Variants in CAPN8 observed in about 807,000 individuals in gnomAD.
CAPN8 encodes the protein calpain 8.
Under a neutral mutation model 80.9 loss-of-function variants are expected in CAPN8, and 87 were observed. The observed-to-expected ratio is 1.07, with a 90% CI of 0.90 to 1.28. The LOEUF (loss-of-function observed/expected upper bound fraction) is 1.28. Ranked by LOEUF, CAPN8 falls within the 50% of genes most tolerant of loss-of-function variation. The probability of loss-of-function intolerance (pLI) is 0.00; values close to 1 mark genes in which losing one functional copy is unlikely to be tolerated. For synonymous variants in CAPN8, 299 were observed against 273.8 expected, an observed-to-expected ratio of 1.09 and a Z score of -0.91; for missense variants, 757 against 702.0, an observed-to-expected ratio of 1.08 and a Z score of -0.89.
At chr1:223,613,590 G>A (rs1657090994) in intron 10 of CAPN8, among the ~76,000 whole-genome samples, 2 of 152,238 alleles carry the variant, frequency 1.3e-5, no homozygotes, top group Non-Finnish European at 2.9e-5. Context: ...CTGCCCATGG[G>A]TGGATGGAAA....
intron 1 of CAPN8, among the ~76,000 whole-genome samples, chr1:223,654,842 A>ATTTTTT (rs35365292): frequency 3.6e-5 from 4 of 111,736 alleles, no homozygotes; most frequent in African/African-American, 3.5e-5. Context: ...CACCCGGCTA[A>ATTTTTT]TTTTTTTTTT....
Position 223,644,052 on chromosome 1 carries a change from G to A in CAPN8, c.307+10278C>T, listed in dbSNP as rs1658118490. Reference sequence around the variant, plus strand: ...TGAATAAATGTTCGTATTGGACAAAGGACACCTAAAAACAAACTATATCCT... The same window carrying A: ...TGAATAAATGTTCGTATTGGACAAAAGACACCTAAAAACAAACTATATCCT... On this transcript the variant is annotated intron_variant, in intron 2 of 20. Coordinates refer to ENST00000366872, the MANE Select transcript of CAPN8 (RefSeq NM_001143962.2). 1.6e-5 allele frequency: 3 copies of A among 190,444 alleles called. No individual in the cohort carries two copies. The South Asian group carries it at 2.9e-4, about 19-fold the overall frequency. The allele number at this position is 190,444 out of a possible 1,614,324, so 11.8% of individuals were successfully genotyped here.
intron 19 of CAPN8, among the ~76,000 whole-genome samples, chr1:223,543,747 T>C (rs995797078): frequency 5.3e-5 from 8 of 152,156 alleles, no homozygotes; most frequent in African/African-American, 1.9e-4. Flanking sequence ...CTAAACACCA[T>C]CTAAGAACAG....
Position 223,633,891 on chromosome 1 carries a change from TAGAA to T in CAPN8, c.308-5115_308-5112del, listed in dbSNP as rs1452677621. ...AATGGAGATACTTCTGGACTGCAGG[TAGAA>T]AGAAAGAGGAAGGAAAGAAGAAAGG... On this transcript the variant is annotated intron_variant, in intron 2 of 20. Transcript: ENST00000366872. Among the ~76,000 whole-genome samples, 5 of 152,094 alleles carry T rather than the reference TAGAA, an allele frequency of 3.3e-5. No individual in the cohort carries two copies. In the East Asian group the frequency reaches 9.6e-4, roughly 29 times the overall value.
At chr1:223,634,762 T>C (rs1657869312) in intron 2 of CAPN8, among the ~76,000 whole-genome samples, 1 of 152,202 alleles carries the variant, frequency 6.6e-6, no homozygotes, top group Non-Finnish European at 1.5e-5. Flanking sequence ...TGATGAGGGC[T>C]TTGTTCTCAT....
chr1:223,638,113 A>G (rs540172802), intron 2 of CAPN8, among the ~76,000 whole-genome samples: 5 of 152,300 alleles, frequency 3.3e-5, no homozygotes, highest in African/African-American at 1.2e-4. Context: ...TCTGTACTGA[A>G]CATGTACAGA....
chr1:223,551,525 G>A (rs1393299016), intron 14 of CAPN8, among the ~76,000 whole-genome samples: 1 of 152,208 alleles, frequency 6.6e-6, no homozygotes, highest in African/African-American at 2.4e-5. Context: ...CTGGCCAGAG[G>A]TGTGTTAGTG....
chr1:223,627,823 C>T (rs1419368993), intron 4 of CAPN8, among the ~76,000 whole-genome samples, 186 bp downstream of exon 4: 1 of 152,188 alleles, frequency 6.6e-6, no homozygotes, highest in Non-Finnish European at 1.5e-5. Context: ...ATGCTAAACT[C>T]CCCGCCCAGA....
intron 2 of CAPN8, among the ~76,000 whole-genome samples, chr1:223,649,812 G>C (rs1165063831): frequency 1.3e-5 from 2 of 152,200 alleles, no homozygotes; most frequent in Non-Finnish European, 2.9e-5. Context: ...ATGGAGCCCT[G>C]CTAGGTACCA....
At chr1:223,637,083 C>T (rs1007322043) in intron 2 of CAPN8, among the ~76,000 whole-genome samples, 5 of 152,186 alleles carry the variant, frequency 3.3e-5, no homozygotes, top group South Asian at 4.2e-4. Flanking sequence ...GAAGACTTCG[C>T]GTATATCATG....
chr1:223,639,216 G>A (rs949769222), intron 2 of CAPN8, among the ~76,000 whole-genome samples: 1 of 152,038 alleles, frequency 6.6e-6, no homozygotes, highest in Non-Finnish European at 1.5e-5. Flanking sequence ...CTCCAACCTG[G>A]TTCACAGAGC....
rs118153739 is a variant in CAPN8 at position 223,643,165 on chromosome 1, A to G, written c.307+11165T>C. On this transcript the variant is annotated intron_variant, in intron 2 of 20. Coordinates refer to ENST00000366872, the MANE Select transcript of CAPN8 (RefSeq NM_001143962.2). ...AATGAAAAGATGAGCACTGAGATGC[A>G]ATTGTTAGCTCCAGCCATGGCTGAA... Among the ~76,000 whole-genome samples the G allele has an allele frequency of 3.2e-3, 483 of 152,350 alleles. 15 individuals are homozygous for G. The East Asian group carries it at 0.064, about 20-fold the overall frequency.
At chr1:223,654,641 G>C (rs1658429801) in intron 1 of CAPN8, among the ~76,000 whole-genome samples, 1 of 152,088 alleles carries the variant, frequency 6.6e-6, no homozygotes, top group Non-Finnish European at 1.5e-5. Flanking sequence ...GCCAGGACTA[G>C]TGTTTTCATT....
chr1:223,625,581 G>T (rs1257246277), intron 6 of CAPN8, among the ~76,000 whole-genome samples: 1 of 152,150 alleles, frequency 6.6e-6, no homozygotes, highest in Non-Finnish European at 1.5e-5. Context: ...ACAGGTGTGA[G>T]CCACCACACC....
Position 223,541,789 on chromosome 1 carries a change from A to G in CAPN8, c.*47T>C. On this transcript the variant is annotated 3_prime_UTR_variant, in exon 21 of 21. Transcript: ENST00000366872. ...AAAATTGTAGAGAAGGGGTGACAAG[A>G]AGCAAGCAGTGGGGCAGGGAGTGTC... is the stretch of plus-strand genomic sequence containing the variant. 6.4e-7 allele frequency: 1 copy of G among 1,551,470 alleles called. No individual in the cohort carries two copies. Among genetic ancestry groups the G allele is most frequent in the Non-Finnish European group, 8.7e-7 (1 of 1,146,916 alleles).
Position 223,627,138 on chromosome 1 carries a change from C to A in CAPN8, c.580G>T (p.Ala194Ser). The change falls in exon 5 of 21, where the codon GCT (alanine) becomes TCT (serine). Residue 194 changes from alanine to serine, a missense_variant. Ala to Ser is a moderately conservative substitution (Grantham distance 99). Transcript: ENST00000366872. ...TCCACTGTGGAACCTCCAGCGAGAGCCTCATAACAACCATTAAGCCTATTG... is the reference window on the plus strand; with the variant it reads ...TCCACTGTGGAACCTCCAGCGAGAGACTCATAACAACCATTAAGCCTATTG... ...AYAKLNGCYEALAGGSTVEGF... is the reference protein window; with the variant it reads ...AYAKLNGCYESLAGGSTVEGF... The A allele has an allele frequency of 6.4e-7, 1 of 1,552,374 alleles. No homozygotes were observed. The highest frequency in any genetic ancestry group is 8.7e-7 in the Non-Finnish European group (1 of 1,147,128).
At chr1:223,634,461 A>T (rs995262252) in intron 2 of CAPN8, among the ~76,000 whole-genome samples, 2 of 152,114 alleles carry the variant, frequency 1.3e-5, no homozygotes, top group Admixed American at 1.3e-4. Context: ...CCTTCCTTAT[A>T]CCCACGTGCC....
At chr1:223,653,141 G>A (rs1297557111) in intron 2 of CAPN8, among the ~76,000 whole-genome samples, 1 of 150,990 alleles carries the variant, frequency 6.6e-6, no homozygotes. Context: ...CACTTACCCA[G>A]AACAAGAAAA....
At position 223,622,833 on chromosome 1, in the gene CAPN8, G is replaced by A. The variant is rs779193962; in HGVS notation, c.881C>T (p.Ser294Leu). 8.4e-6 allele frequency: 13 copies of A among 1,551,424 alleles called. No individual in the cohort carries two copies. The highest frequency in any genetic ancestry group is 1.7e-4 in the Middle Eastern group (1 of 6,014). The change falls in exon 7 of 21, where the codon TCG (serine) becomes TTG (leucine). Residue 294 changes from serine (S) to leucine (L), a missense_variant. Physicochemically the swap from Ser to Leu is moderately radical, Grantham distance 145. Coordinates refer to ENST00000366872, the MANE Select transcript of CAPN8 (RefSeq NM_001143962.2). ...AACCTACTCATCGCTCCAGGCTCCC[G>A]ACCACTCCACTTCACCCCATGGATT... ...LRNPWGEVEW[S>L]GAWSDDAPEW... is the part of the protein sequence containing the mutation.
Sources: gnomAD v4.1 joint callset for allele counts (sites outside exome capture counted in the v4.1 genomes callset) on GRCh38, gnomAD v4.1.1 for gene constraint, MANE v1.5 for transcripts, NCBI Gene and HGNC (gene_info 2026-07-23, HGNC 2026-07-21) for gene names.